The following PTPRD variants were observed in gnomAD, a reference collection of about 807,000 sequenced individuals.
PTPRD encodes the protein receptor-type tyrosine-protein phosphatase delta.
PTPRD carries 34 observed loss-of-function variants against 214.5 expected under a neutral mutation model. That is an observed-to-expected ratio of 0.16 (90% CI 0.12 to 0.21). The LOEUF (loss-of-function observed/expected upper bound fraction) is 0.21. Ranked by LOEUF, PTPRD falls within the 10% of genes least tolerant of loss-of-function variation. The pLI, the probability that PTPRD is intolerant of heterozygous loss-of-function variation, is 1.00. For synonymous variants in PTPRD, 1,128 were observed against 845.7 expected, an observed-to-expected ratio of 1.33 and a Z score of -5.79; for missense variants, 2,545 against 2,398.7, an observed-to-expected ratio of 1.06 and a Z score of -1.27.
At chr9:9,355,183 G>A (rs1243354746) in intron 9 of PTPRD, among the ~76,000 whole-genome samples, 1 of 151,564 alleles carries the variant, frequency 6.6e-6, no homozygotes, top group Non-Finnish European at 1.5e-5. Context: ...ATCTTCAAAA[G>A]GTTTTTGGGT....
At chr9:9,622,099 T>C (rs1163157755) in intron 7 of PTPRD, among the ~76,000 whole-genome samples, 1 of 152,162 alleles carries the variant, frequency 6.6e-6, no homozygotes, top group Non-Finnish European at 1.5e-5. Flanking sequence ...ATAGAAAGTA[T>C]TAGGGAACAA....
chr9:8,399,814 G>A (rs1220916097), intron 36 of PTPRD, among the ~76,000 whole-genome samples: 1 of 152,154 alleles, frequency 6.6e-6, no homozygotes, highest in African/African-American at 2.4e-5. Flanking sequence ...GTAGACTAAT[G>A]GGAAGAACAG....
At chr9:10,538,239 AAAATAAATAAAT>A (rs139133858) in intron 2 of PTPRD, among the ~76,000 whole-genome samples, 20,962 of 130,200 alleles carry the variant, frequency 0.16, 1,882 homozygotes, top group Middle Eastern at 0.22. Context: ...GCCTCATCAT[AAAATAAATAAAT>A]AAATAAATAA....
intron 9 of PTPRD, among the ~76,000 whole-genome samples, chr9:9,257,742 C>T (rs2099978340): frequency 6.6e-6 from 1 of 151,900 alleles, no homozygotes; most frequent in Non-Finnish European, 1.5e-5. Context: ...TTTGATTGCA[C>T]TACTGCACTC....
At chr9:9,830,214 A>G (rs916163453) in intron 5 of PTPRD, among the ~76,000 whole-genome samples, 2 of 151,848 alleles carry the variant, frequency 1.3e-5, no homozygotes, top group Admixed American at 6.6e-5. Context: ...ATATTTTTAA[A>G]AAGTTTTATT....
intron 3 of PTPRD, among the ~76,000 whole-genome samples, chr9:10,335,116 C>G (rs57452387): frequency 0.01 from 1,540 of 151,670 alleles, 15 homozygotes; most frequent in African/African-American, 0.036. Context: ...GAAGCAAAAA[C>G]CCAGAATAGC....
At chr9:10,007,882 G>T (rs1256773126) in intron 4 of PTPRD, among the ~76,000 whole-genome samples, 2 of 151,726 alleles carry the variant, frequency 1.3e-5, no homozygotes, top group East Asian at 3.9e-4. Context: ...TAAAATTTAG[G>T]TTATTCTATT....
At chr9:9,458,410 T>C (rs1170155020) in intron 8 of PTPRD, among the ~76,000 whole-genome samples, 1 of 152,018 alleles carries the variant, frequency 6.6e-6, no homozygotes, top group Admixed American at 6.6e-5. Context: ...CAAAAAAAAA[T>C]TGTAAATGGT....
intron 12 of PTPRD, among the ~76,000 whole-genome samples, chr9:8,680,890 C>T (rs1336880400): frequency 6.6e-6 from 1 of 152,128 alleles, no homozygotes; most frequent in Non-Finnish European, 1.5e-5. Flanking sequence ...CCTCACGGGA[C>T]TGATTTGAGT....
chr9:10,538,766 A>AT (rs776968217), intron 2 of PTPRD, among the ~76,000 whole-genome samples: 12 of 152,158 alleles, frequency 7.9e-5, no homozygotes, highest in Non-Finnish European at 1.5e-4. Context: ...TTTTCTTAAA[A>AT]TGTGTAACAA....
At chr9:8,567,622 A>G (rs2089762943) in intron 14 of PTPRD, among the ~76,000 whole-genome samples, 1 of 152,162 alleles carries the variant, frequency 6.6e-6, no homozygotes, top group South Asian at 2.1e-4. Context: ...GAATTCAGTT[A>G]TATTTGCGTG....
Position 8,847,441 on chromosome 9 carries a change from T to G in PTPRD, c.-103-113495A>C, listed in dbSNP as rs113519438. 3.5e-4 allele frequency among the ~76,000 whole-genome samples: 54 copies of G among 152,214 alleles called. 2 individuals are homozygous for G. The highest frequency in any genetic ancestry group is 1.3e-3 in the African/African-American group (53 of 41,524). On this transcript the variant is annotated intron_variant, in intron 11 of 45. Coordinates refer to ENST00000381196, the MANE Select transcript of PTPRD (RefSeq NM_002839.4). The stretch of plus-strand genomic sequence containing the variant: ...GAAGTTATGTTTATAGATTAACTGG[T>G]AGAAAAACATATGGCTAAATAGGCC...
Position 8,317,494 on chromosome 9 carries a change from C to T in PTPRD, c.*380G>A. 1 of 250,254 alleles carries T rather than the reference C, an allele frequency of 4.0e-6. No homozygotes were observed. Among genetic ancestry groups the T allele is most frequent in the Admixed American group, 4.9e-5 (1 of 20,268 alleles). 15.5% of individuals were successfully genotyped at this position (250,254 alleles called of 1,614,324 possible). A position where few individuals can be genotyped will look rare whatever the true frequency, so the allele number is the denominator to read the frequency against. On this transcript the variant is annotated 3_prime_UTR_variant, in exon 46 of 46. Coordinates refer to ENST00000381196, the MANE Select transcript of PTPRD (RefSeq NM_002839.4). ...TCCGTTTCATTGTGAGAAGCCACAC[C>T]AGCACATATCTTGTGCTGAACTGCA...
intron 9 of PTPRD, among the ~76,000 whole-genome samples, chr9:9,276,464 T>G (rs1370773842): frequency 2.6e-5 from 4 of 151,316 alleles, no homozygotes; most frequent in African/African-American, 9.7e-5. Flanking sequence ...AGAGATGGTC[T>G]TGGCAATTAG....
At chr9:10,282,763 T>C (rs1347751689) in intron 3 of PTPRD, among the ~76,000 whole-genome samples, 2 of 152,090 alleles carry the variant, frequency 1.3e-5, no homozygotes, top group Admixed American at 1.3e-4. Context: ...TTTAGAACCA[T>C]CAGCTTCAAA....
intron 3 of PTPRD, among the ~76,000 whole-genome samples, chr9:10,197,650 G>T (rs1029288201): frequency 6.6e-6 from 1 of 152,062 alleles, no homozygotes; most frequent in Non-Finnish European, 1.5e-5. Context: ...AGAGATACAA[G>T]AATCAAAGAA....
At chr9:8,968,884 T>G (rs1290204586) in intron 11 of PTPRD, among the ~76,000 whole-genome samples, 1 of 152,090 alleles carries the variant, frequency 6.6e-6, no homozygotes, top group East Asian at 1.9e-4. Context: ...ATTAAAGATT[T>G]TTATTCACTG....
intron 6 of PTPRD, among the ~76,000 whole-genome samples, chr9:9,734,974 T>C (rs1187803776): frequency 6.6e-6 from 1 of 152,120 alleles, no homozygotes; most frequent in Non-Finnish European, 1.5e-5. Context: ...AAAAGACTTT[T>C]CCCATTTTTC....
chr9:8,652,342 A>T (rs892768755), intron 12 of PTPRD, among the ~76,000 whole-genome samples: 3 of 152,210 alleles, frequency 2.0e-5, no homozygotes, highest in African/African-American at 2.4e-5. Flanking sequence ...GTGACAAATT[A>T]TTAGGACACT....
Sources: gnomAD v4.1 joint callset for allele counts (sites outside exome capture counted in the v4.1 genomes callset) on GRCh38, gnomAD v4.1.1 for gene constraint, MANE v1.5 for transcripts, NCBI Gene and HGNC (gene_info 2026-07-23, HGNC 2026-07-21) for gene names.